The following ERI3 variants were observed in gnomAD, a reference collection of about 807,000 sequenced individuals.
ERI3 encodes the protein ERI1 exoribonuclease family member 3, also known as ERI1 exoribonuclease 3.
A neutral mutation model predicts 44.4 loss-of-function variants in ERI3; 18 were observed. The ratio of observed to expected loss-of-function variants is 0.41; its 90% CI spans 0.28 to 0.60. The LOEUF (loss-of-function observed/expected upper bound fraction) is 0.60, where lower values mean the gene tolerates loss of function less well. Ranked by LOEUF, ERI3 falls within the 20% of genes least tolerant of loss-of-function variation. ERI3 has a pLI of 0.36. For missense variants in ERI3, 294 were observed against 435.5 expected, an observed-to-expected ratio of 0.68 and a Z score of 2.89; for synonymous variants, 183 against 164.8, an observed-to-expected ratio of 1.11 and a Z score of -0.84.
chr1:44,300,773 C>A (rs762285699), intron 6 of ERI3, among the ~76,000 whole-genome samples: 5 of 152,140 alleles, frequency 3.3e-5, no homozygotes, highest in Non-Finnish European at 7.4e-5. Flanking sequence ...TAGGCTAGCC[C>A]CAGGGGCATC....
chr1:44,312,298 T>C (rs999033389), intron 5 of ERI3, among the ~76,000 whole-genome samples: 1 of 152,180 alleles, frequency 6.6e-6, no homozygotes, highest in African/African-American at 2.4e-5. Flanking sequence ...TTTGGCTTTA[T>C]TGGTCTTAAA....
intron 2 of ERI3, among the ~76,000 whole-genome samples, chr1:44,350,231 C>G (rs1001342772): frequency 3.9e-5 from 6 of 151,982 alleles, no homozygotes; most frequent in African/African-American, 1.5e-4. Flanking sequence ...TTATTCCATA[C>G]TTCATTAAAA....
chr1:44,348,592 G>C (rs1007555951), intron 2 of ERI3, among the ~76,000 whole-genome samples: 3 of 152,198 alleles, frequency 2.0e-5, no homozygotes, highest in African/African-American at 7.2e-5. Flanking sequence ...AAAGAGGAAA[G>C]CCTAAAAACA....
Position 44,266,712 on chromosome 1 carries a change from T to C in ERI3, c.831+18123A>G, listed in dbSNP as rs369797123. Among the ~76,000 whole-genome samples the C allele has an allele frequency of 9.2e-5, 14 of 152,354 alleles. No homozygotes were observed. The East Asian group carries it at 2.1e-3, about 23-fold the overall frequency. On this transcript the variant is annotated intron_variant, in intron 7 of 8. Transcript: ENST00000372257. ...ATGAAAATGAATGAATGAATGGCTA[T>C]GTTGAACTCAATCCCATTTGACACA...
chr1:44,287,271 G>T (rs891101069), intron 6 of ERI3, among the ~76,000 whole-genome samples: 1 of 152,180 alleles, frequency 6.6e-6, no homozygotes, highest in East Asian at 1.9e-4. Context: ...AAGAGTGAGA[G>T]ATAAGACAGC....
intron 3 of ERI3, among the ~76,000 whole-genome samples, chr1:44,332,880 A>G (rs921350958): frequency 6.6e-6 from 1 of 152,214 alleles, no homozygotes; most frequent in Admixed American, 6.5e-5. Context: ...AGTGACAAAA[A>G]AGACAAAGGG....
At chr1:44,279,702 C>T (rs1645248017) in intron 7 of ERI3, among the ~76,000 whole-genome samples, 1 of 152,234 alleles carries the variant, frequency 6.6e-6, no homozygotes, top group African/African-American at 2.4e-5. Flanking sequence ...TTCCAATTCA[C>T]TCAGTTGCTC....
At chr1:44,229,771 C>CA (rs869243728) in intron 8 of ERI3, among the ~76,000 whole-genome samples, 2 of 52 alleles carry the variant, frequency 0.038, no homozygotes, top group Admixed American at 0.25. Context: ...GGTGCATACA[C>CA]CTTTGGGCTG....
chr1:44,323,446 A>ACAT, intron 3 of ERI3, among the ~76,000 whole-genome samples: 1 of 152,362 alleles, frequency 6.6e-6, no homozygotes, highest in East Asian at 1.9e-4. Flanking sequence ...CAGACAGGTT[A>ACAT]CATCATCATC....
intron 7 of ERI3, among the ~76,000 whole-genome samples, chr1:44,257,256 ATAAT>A (rs1644800652): frequency 6.6e-6 from 1 of 152,272 alleles, no homozygotes; most frequent in African/African-American, 2.4e-5. Flanking sequence ...TTACATCTCT[ATAAT>A]TAACAACAGG....
At position 44,355,213 on chromosome 1, in the gene ERI3, C is replaced by A; in HGVS notation, c.-187G>T. ...CTCCCCACCGCCCGTTCCCGGCCGC[C>A]TGAACAGCGGCAGCCAGCACCACGA... On this transcript the variant is annotated 5_prime_UTR_variant, in exon 1 of 9. The change creates a new upstream start codon in the 5' untranslated region. Transcript: ENST00000372257. The A allele has an allele frequency of 8.4e-7, 1 of 1,191,512 alleles. No individual in the cohort carries two copies. Among genetic ancestry groups the A allele is most frequent in the Non-Finnish European group, 1.0e-6 (1 of 962,198 alleles). The allele number at this position is 1,191,512 out of a possible 1,614,324, so 73.8% of individuals were successfully genotyped here. A position where few individuals can be genotyped will look rare whatever the true frequency, so the allele number is the denominator to read the frequency against.
chr1:44,318,188 G>T (rs946033728), intron 4 of ERI3, among the ~76,000 whole-genome samples: 1 of 152,118 alleles, frequency 6.6e-6, no homozygotes, highest in Non-Finnish European at 1.5e-5. Flanking sequence ...ATCCACTCCT[G>T]CCCAGGGTCC....
At chr1:44,302,230 T>C (rs918618430) in intron 6 of ERI3, among the ~76,000 whole-genome samples, 1 of 152,244 alleles carries the variant, frequency 6.6e-6, no homozygotes, top group African/African-American at 2.4e-5. Flanking sequence ...GAAAGAGATG[T>C]AGCTCAGTTC....
chr1:44,326,295 C>T (rs1445030803), intron 3 of ERI3, among the ~76,000 whole-genome samples: 2 of 152,148 alleles, frequency 1.3e-5, no homozygotes, highest in Non-Finnish European at 2.9e-5. Flanking sequence ...CAAAGACGGG[C>T]CCTTTCTCCA....
chr1:44,332,495 A>C (rs1280716317), intron 3 of ERI3, among the ~76,000 whole-genome samples: 1 of 152,206 alleles, frequency 6.6e-6, no homozygotes, highest in Non-Finnish European at 1.5e-5. Context: ...GGCAGCTTAA[A>C]GGTATAAACC....
At chr1:44,273,631 A>C (rs1428534598) in intron 7 of ERI3, among the ~76,000 whole-genome samples, 1 of 152,260 alleles carries the variant, frequency 6.6e-6, no homozygotes, top group African/African-American at 2.4e-5. Flanking sequence ...CTCACAGTAT[A>C]GTGGGAAACA....
intron 4 of ERI3, among the ~76,000 whole-genome samples, chr1:44,317,368 T>C (rs1272852055): frequency 6.6e-6 from 1 of 152,198 alleles, no homozygotes; most frequent in African/African-American, 2.4e-5. Context: ...ATCCTGTGTC[T>C]ATGCCTCTCG....
At chr1:44,262,475 T>C (rs751804246) in intron 7 of ERI3, among the ~76,000 whole-genome samples, 24 of 152,242 alleles carry the variant, frequency 1.6e-4, no homozygotes, top group Non-Finnish European at 3.1e-4. Context: ...TTCTGAGTTC[T>C]CTATCTCCAA....
intron 8 of ERI3, among the ~76,000 whole-genome samples, chr1:44,233,047 C>G (rs1644222833): frequency 6.6e-6 from 1 of 152,176 alleles, no homozygotes; most frequent in Non-Finnish European, 1.5e-5. Flanking sequence ...AACCCAGACT[C>G]TGCCTTCTCT....
Sources: allele counts gnomAD v4.1 joint callset (sites outside exome capture counted in the v4.1 genomes callset), GRCh38; gene constraint gnomAD v4.1.1; transcripts MANE v1.5; gene names NCBI Gene and HGNC (gene_info 2026-07-23, HGNC 2026-07-21).